The following DPP10 variants were observed in gnomAD, a reference collection of about 807,000 sequenced individuals.
The protein encoded by DPP10 is inactive dipeptidyl peptidase 10.
In DPP10, 33 loss-of-function variants were observed where a neutral mutation model predicts 120.9. The ratio of observed to expected loss-of-function variants is 0.27; its 90% CI spans 0.21 to 0.37. The LOEUF is 0.37. Ranked by LOEUF, DPP10 falls within the 10% of genes least tolerant of loss-of-function variation. DPP10 has a pLI of 1.00. For synonymous variants in DPP10, 337 were observed against 326.1 expected (o/e 1.03, Z -0.36); for missense variants, 816 against 942.8 (o/e 0.87, Z 1.76).
intron 1 of DPP10, among the ~76,000 whole-genome samples, chr2:114,965,144 TTTC>T (rs1698912084): frequency 6.6e-6 from 1 of 152,050 alleles, no homozygotes; most frequent in Non-Finnish European, 1.5e-5. Flanking sequence ...TCTTTCTTTC[TTTC>T]TTTTTTTTGG....
intron 1 of DPP10, among the ~76,000 whole-genome samples, chr2:115,108,456 G>A (rs1191783273): frequency 6.6e-6 from 1 of 152,180 alleles, no homozygotes; most frequent in African/African-American, 2.4e-5. Flanking sequence ...CATAGAAGAA[G>A]TCAGAAATCC....
chr2:114,497,275 GTA>G (rs1553451027), intron 1 of DPP10, among the ~76,000 whole-genome samples: 1 of 71,836 alleles, frequency 1.4e-5, no homozygotes. Context: ...ACATGTACAT[GTA>G]TACGTGTATA....
At chr2:114,772,790 G>T (rs904603116) in intron 1 of DPP10, among the ~76,000 whole-genome samples, 47 of 151,686 alleles carry the variant, frequency 3.1e-4, no homozygotes, top group South Asian at 4.2e-4. Flanking sequence ...ATTTTTTTAA[G>T]CACATGTTGA....
At chr2:114,756,737 T>G (rs1679785425) in intron 1 of DPP10, among the ~76,000 whole-genome samples, 1 of 151,060 alleles carries the variant, frequency 6.6e-6, no homozygotes. Context: ...TCATAAGTAG[T>G]GCCAATTCAA....
At chr2:114,654,698 T>G (rs916971922) in intron 1 of DPP10, among the ~76,000 whole-genome samples, 7 of 152,200 alleles carry the variant, frequency 4.6e-5, no homozygotes, top group Non-Finnish European at 8.8e-5. Context: ...GGGCCTTTAT[T>G]GCTGCATTGT....
intron 5 of DPP10, among the ~76,000 whole-genome samples, chr2:115,586,530 T>C (rs2082301109): frequency 6.6e-6 from 1 of 152,190 alleles, no homozygotes; most frequent in Non-Finnish European, 1.5e-5. Flanking sequence ...CTTATTACAC[T>C]CTCTATGATG....
At position 115,423,436 on chromosome 2, in the gene DPP10, C is replaced by T. The variant is rs575129016; in HGVS notation, c.272-76074C>T. Among the ~76,000 whole-genome samples the T allele has an allele frequency of 3.3e-5, 5 of 152,056 alleles. No homozygotes were observed. In the East Asian group the frequency reaches 7.7e-4, roughly 24 times the overall value. On this transcript the variant is annotated intron_variant, in intron 3 of 25. Transcript: ENST00000410059. The stretch of plus-strand genomic sequence containing the variant: ...TAATTTAAAATTCTAATGACAAAGC[C>T]ATGTTTTATATGATATGTGTGAATA...
rs116325442 is a variant in DPP10, at chr2:114,816,408, G to A, written c.60+373570G>A. Among the ~76,000 whole-genome samples the A allele has an allele frequency of 9.8e-3, 1,494 of 152,236 alleles. 21 individuals carry two copies. The highest frequency in any genetic ancestry group is 0.034 in the African/African-American group (1,420 of 41,548). On this transcript the variant is annotated intron_variant, in intron 1 of 25. Transcript: ENST00000410059. ...CAACAAAACTTTATTTACACAAATA[G>A]GTGATGGGCTAGACTTGGTCCATGG...
chr2:115,774,284 CTG>C (rs1048825964), intron 13 of DPP10, among the ~76,000 whole-genome samples: 1 of 151,536 alleles, frequency 6.6e-6, no homozygotes, highest in African/African-American at 2.4e-5. Context: ...ACCTAGAAAT[CTG>C]TGGGCCAAAA....
At chr2:114,661,915 G>A (rs7588335) in intron 1 of DPP10, among the ~76,000 whole-genome samples, 2,031 of 151,922 alleles carry the variant, frequency 0.013, 46 homozygotes, top group African/African-American at 0.047. Flanking sequence ...GAGCCCAGGG[G>A]TTGACAAAGG....
At chr2:115,321,168 GTGGGAGCCTGTAATCCCCGCTCCT>G (rs1294856456) in intron 2 of DPP10, among the ~76,000 whole-genome samples, 4 of 152,114 alleles carry the variant, frequency 2.6e-5, no homozygotes, top group Non-Finnish European at 5.9e-5. Context: ...GGGTCTGGTG[GTGGGAGCCTGTAATCCCCGCTCCT>G]TGGGAGCCTG....
chr2:115,244,281 G>C (rs982682957), intron 1 of DPP10, among the ~76,000 whole-genome samples: 5 of 122,580 alleles, frequency 4.1e-5, no homozygotes, highest in South Asian at 2.7e-4. Context: ...GAGAGAGAGA[G>C]ACATATATAT....
intron 19 of DPP10, among the ~76,000 whole-genome samples, chr2:115,803,692 C>T (rs1333322919): frequency 6.6e-6 from 1 of 152,172 alleles, no homozygotes; most frequent in Non-Finnish European, 1.5e-5. Context: ...ACGTATGAAG[C>T]TCAGTTTGGC....
At chr2:115,224,973 C>CA (rs1367671902) in intron 1 of DPP10, among the ~76,000 whole-genome samples, 1 of 152,068 alleles carries the variant, frequency 6.6e-6, no homozygotes, top group African/African-American at 2.4e-5. Flanking sequence ...ACAGTACTGC[C>CA]AGAGCTAGGG....
At chr2:114,878,660 A>G (rs1004708981) in intron 1 of DPP10, among the ~76,000 whole-genome samples, 5 of 152,064 alleles carry the variant, frequency 3.3e-5, no homozygotes, top group African/African-American at 1.2e-4. Flanking sequence ...TTTAGTTGCC[A>G]TATATGAGTG....
chr2:114,743,136 T>C (rs549473923), intron 1 of DPP10, among the ~76,000 whole-genome samples: 226 of 152,324 alleles, frequency 1.5e-3, no homozygotes, highest in Non-Finnish European at 2.3e-3. Context: ...TGAAGCAATA[T>C]TCCTGTGACT....
At chr2:115,795,919 C>A (rs965688559) in intron 19 of DPP10, among the ~76,000 whole-genome samples, 1 of 151,078 alleles carries the variant, frequency 6.6e-6, no homozygotes, top group Non-Finnish European at 1.5e-5. Context: ...TTTTTGCTCT[C>A]TCTCTCTTTT....
intron 5 of DPP10, among the ~76,000 whole-genome samples, chr2:115,651,977 G>A (rs1192815930): frequency 6.6e-6 from 1 of 152,036 alleles, no homozygotes; most frequent in Non-Finnish European, 1.5e-5. Context: ...TGTAGGTTAA[G>A]AGGATGCCTT....
At chr2:115,582,607 A>G (rs2082063955) in intron 5 of DPP10, among the ~76,000 whole-genome samples, 1 of 152,218 alleles carries the variant, frequency 6.6e-6, no homozygotes, top group African/African-American at 2.4e-5. Flanking sequence ...AGAGGTATTC[A>G]GTTCCGTAAA....
Sources: allele counts gnomAD v4.1 joint callset (sites outside exome capture counted in the v4.1 genomes callset), GRCh38; gene constraint gnomAD v4.1.1; transcripts MANE v1.5; gene names NCBI Gene and HGNC (gene_info 2026-07-23, HGNC 2026-07-21).